ZMYM4: variants seen among roughly 807,000 people sequenced by gnomAD.
The protein encoded by ZMYM4 is zinc finger MYM-type containing 4, also known as zinc finger MYM-type protein 4.
ZMYM4 carries 31 observed loss-of-function variants against 183.2 expected under a neutral mutation model. The observed-to-expected ratio is 0.17, with a 90% confidence interval of 0.13 to 0.23. The LOEUF is 0.23. Among genes scored for constraint, ZMYM4 ranks in the 10% least tolerant of loss-of-function variants. The pLI is 1.00. For missense variants in ZMYM4, 1,273 were observed against 1,840.3 expected, an observed-to-expected ratio of 0.69 and a Z score of 5.64; for synonymous variants, 592 against 631.2, an observed-to-expected ratio of 0.94 and a Z score of 0.93.
chr1:35,371,985 C>G (rs949656712), intron 7 of ZMYM4, among the ~76,000 whole-genome samples: 1 of 152,064 alleles, frequency 6.6e-6, no homozygotes, highest in Non-Finnish European at 1.5e-5. Flanking sequence ...ACAATAGAAA[C>G]TTCTGCAACT....
intron 4 of ZMYM4, 35 bp from the exon 5 acceptor site, chr1:35,361,584 C>G (rs757200680): frequency 3.5e-5 from 56 of 1,580,240 alleles, no homozygotes; most frequent in Non-Finnish European, 4.7e-5. Context: ...ATTTTAAAAT[C>G]TGAATATTTA....
At chr1:35,322,504 TG>T (rs1381290541) in intron 1 of ZMYM4, among the ~76,000 whole-genome samples, 1 of 152,126 alleles carries the variant, frequency 6.6e-6, no homozygotes, top group Non-Finnish European at 1.5e-5. Flanking sequence ...TCACCTTAAA[TG>T]GTTGTCATCT....
intron 1 of ZMYM4, among the ~76,000 whole-genome samples, chr1:35,279,389 C>T (rs1326015834): frequency 1.3e-5 from 2 of 152,156 alleles, no homozygotes; most frequent in East Asian, 3.8e-4. Context: ...TTCACAGTTC[C>T]TTACTGATAA....
chr1:35,317,082 A>G (rs1013390110), intron 1 of ZMYM4, among the ~76,000 whole-genome samples: 2 of 149,660 alleles, frequency 1.3e-5, no homozygotes, highest in Non-Finnish European at 3.0e-5. Flanking sequence ...AGATCATGCC[A>G]TTGCACTCCA....
chr1:35,393,061 T>G (rs1303633459), intron 17 of ZMYM4, among the ~76,000 whole-genome samples: 1 of 152,182 alleles, frequency 6.6e-6, no homozygotes, highest in African/African-American at 2.4e-5. Context: ...AAAAAAAAAT[T>G]CTTTTTTTAA....
intron 9 of ZMYM4, among the ~76,000 whole-genome samples, chr1:35,382,455 CTT>C (rs543692263): frequency 3.5e-5 from 5 of 140,898 alleles, no homozygotes; most frequent in Admixed American, 7.2e-5. Context: ...TAGAGTGTGG[CTT>C]TTTTTTTTTT....
chr1:35,308,516 TTTAG>T lies in ZMYM4; in HGVS notation c.40-16842_40-16839del, dbSNP rs946829375. 1.6e-4 allele frequency among the ~76,000 whole-genome samples: 24 copies of T among 152,122 alleles called. 1 individual carries two copies. The highest frequency in any genetic ancestry group is 5.8e-4 in the African/African-American group (24 of 41,438). ...ACCCTAGTCGCCTGAACTAGTCTAC[TTTAG>T]TGTTCCGCTTGAAGTACTAGAATCA... On this transcript the variant is annotated intron_variant, in intron 1 of 29. Coordinates refer to ENST00000314607, the MANE Select transcript of ZMYM4 (RefSeq NM_005095.3).
At chr1:35,285,382 C>G (rs1640427818) in intron 1 of ZMYM4, among the ~76,000 whole-genome samples, 1 of 151,838 alleles carries the variant, frequency 6.6e-6, no homozygotes, top group African/African-American at 2.4e-5. Context: ...TTTTAGTGTA[C>G]AAGTCTTGTG....
At chr1:35,288,450 C>G (rs995279222) in intron 1 of ZMYM4, among the ~76,000 whole-genome samples, 1 of 152,140 alleles carries the variant, frequency 6.6e-6, no homozygotes, top group Non-Finnish European at 1.5e-5. Flanking sequence ...TTTACTTTTT[C>G]TTTGTGGGAG....
intron 1 of ZMYM4, among the ~76,000 whole-genome samples, chr1:35,278,157 G>A (rs1423421727): frequency 6.6e-6 from 1 of 151,910 alleles, no homozygotes; most frequent in African/African-American, 2.4e-5. Context: ...TCTTCCCTTG[G>A]TCTTCTTTCT....
At chr1:35,351,144 A>G in intron 2 of ZMYM4, 1 of 1,121,088 alleles carries the variant, frequency 8.9e-7, no homozygotes, top group Non-Finnish European at 1.3e-6. Context: ...ACGTGCCTTT[A>G]CCTGCTATTT....
chr1:35,402,762 CTT>C lies in ZMYM4; in HGVS notation c.3529-2259_3529-2258del, dbSNP rs1644933339. Among the ~76,000 whole-genome samples the C allele has an allele frequency of 2.6e-5, 4 of 152,276 alleles. No homozygotes were observed. In the South Asian group the frequency reaches 8.3e-4, roughly 32 times the overall value. On this transcript the variant is annotated intron_variant, in intron 23 of 29. Coordinates refer to ENST00000314607, the MANE Select transcript of ZMYM4 (RefSeq NM_005095.3). The stretch of plus-strand genomic sequence containing the variant: ...CATGTATTTACTTTGTGTCCTGTGA[CTT>C]TGCTCAACTAAAATCCTTAGGATTT...
chr1:35,278,776 A>C (rs1640003365), intron 1 of ZMYM4, among the ~76,000 whole-genome samples: 1 of 152,218 alleles, frequency 6.6e-6, no homozygotes, highest in Non-Finnish European at 1.5e-5. Flanking sequence ...AAAAAGTTTG[A>C]AATCTCATTG....
intron 1 of ZMYM4, 37 bp from the exon 2 acceptor site, chr1:35,325,323 G>A (rs755497067): frequency 1.1e-5 from 18 of 1,578,560 alleles, no homozygotes; most frequent in Non-Finnish European, 1.6e-5. Context: ...TAGAAGATAT[G>A]ATGGTAATGT....
intron 2 of ZMYM4, among the ~76,000 whole-genome samples, chr1:35,346,110 A>C (rs961554255): frequency 6.6e-6 from 1 of 152,156 alleles, no homozygotes; most frequent in Non-Finnish European, 1.5e-5. Context: ...TATGTGTCAG[A>C]ATTCCTTTCT....
At chr1:35,307,985 G>A (rs561797392) in intron 1 of ZMYM4, among the ~76,000 whole-genome samples, 5 of 151,150 alleles carry the variant, frequency 3.3e-5, no homozygotes, top group African/African-American at 9.7e-5. Context: ...GCCTGCCACC[G>A]CACCCGGCTA....
At chr1:35,325,465 G>T in intron 2 of ZMYM4, 60 bp downstream of exon 2, 1 of 1,533,520 alleles carries the variant, frequency 6.5e-7, no homozygotes, top group Non-Finnish European at 8.9e-7. Context: ...TGTTAATCTA[G>T]ATGTGGTATT....
intron 1 of ZMYM4, among the ~76,000 whole-genome samples, chr1:35,296,603 C>T (rs894065777): frequency 3.9e-5 from 6 of 152,060 alleles, no homozygotes; most frequent in African/African-American, 1.2e-4. Flanking sequence ...CTAGTGATGA[C>T]GGGGTTAGCT....
intron 5 of ZMYM4, among the ~76,000 whole-genome samples, chr1:35,368,808 G>A (rs1434731406): frequency 6.6e-6 from 1 of 152,084 alleles, no homozygotes; most frequent in African/African-American, 2.4e-5. Context: ...TTGTGTTGTG[G>A]TTATAAAATC....
Sources: allele counts gnomAD v4.1 joint callset (sites outside exome capture counted in the v4.1 genomes callset), GRCh38; gene constraint gnomAD v4.1.1; transcripts MANE v1.5; gene names NCBI Gene and HGNC (gene_info 2026-07-23, HGNC 2026-07-21).